The following UACA variants were observed in gnomAD, a reference collection of about 807,000 sequenced individuals.
UACA encodes nuclear membrane binding protein.
In UACA, 112 loss-of-function variants were observed where a neutral mutation model predicts 160.5. The ratio of observed to expected loss-of-function variants is 0.70; its 90% CI spans 0.60 to 0.82. The LOEUF (loss-of-function observed/expected upper bound fraction) is 0.82. Ranked by LOEUF, UACA falls within the 40% of genes least tolerant of loss-of-function variation. UACA has a pLI of 0.00. For missense variants in UACA, 1,574 were observed against 1,614.6 expected, an observed-to-expected ratio of 0.97 and a Z score of 0.43; for synonymous variants, 557 against 568.4, an observed-to-expected ratio of 0.98 and a Z score of 0.29.
intron 2 of UACA, 88 bp downstream of exon 2, chr15:70,699,439 G>A (rs989641062): frequency 9.0e-6 from 13 of 1,450,088 alleles, no homozygotes; most frequent in South Asian, 1.3e-5. Context: ...TAATAAGTAA[G>A]TTGATAACTA....
intron 14 of UACA, 62 bp from the exon 15 acceptor site, chr15:70,671,153 T>A (rs746513148): frequency 2.1e-5 from 24 of 1,160,590 alleles, no homozygotes; most frequent in Non-Finnish European, 3.0e-5. Flanking sequence ...AGGCTAAACA[T>A]TAATTTGATG....
intron 11 of UACA, among the ~76,000 whole-genome samples, chr15:70,677,888 T>G (rs1434763615): frequency 1.3e-5 from 2 of 152,160 alleles, no homozygotes; most frequent in Non-Finnish European, 2.9e-5. Flanking sequence ...CAGTGATCTC[T>G]CCTCACTTCC....
intron 1 of UACA, among the ~76,000 whole-genome samples, chr15:70,728,033 A>G (rs1314183004): frequency 2.0e-5 from 3 of 152,210 alleles, no homozygotes; most frequent in Non-Finnish European, 4.4e-5. Context: ...AGACACACAG[A>G]CTAATGGGGA....
intron 1 of UACA, among the ~76,000 whole-genome samples, chr15:70,714,055 A>T (rs888664846): frequency 6.6e-5 from 10 of 152,162 alleles, no homozygotes; most frequent in Non-Finnish European, 1.3e-4. Context: ...ACACCTAATT[A>T]AAAAAGTACA....
At chr15:70,703,854 C>A (rs1341969847) in intron 1 of UACA, among the ~76,000 whole-genome samples, 2 of 152,110 alleles carry the variant, frequency 1.3e-5, no homozygotes, top group African/African-American at 2.4e-5. Flanking sequence ...CCTTTGCTGT[C>A]CCCTGTACCT....
chr15:70,676,088 T>C (rs1897296037), intron 13 of UACA, among the ~76,000 whole-genome samples: 2 of 152,226 alleles, frequency 1.3e-5, no homozygotes, highest in South Asian at 4.1e-4. Flanking sequence ...CTGAATCAGC[T>C]GCCTTCAGTG....
chr15:70,768,868 A>T, the UACA span, among the ~76,000 whole-genome samples: 1 of 152,204 alleles, frequency 6.6e-6, no homozygotes, highest in Non-Finnish European at 1.5e-5. Flanking sequence ...TGATGGTTTT[A>T]CTTGTCCTGC....
chr15:70,752,248 A>G (rs1314332087), intron 1 of UACA, among the ~76,000 whole-genome samples: 1 of 151,946 alleles, frequency 6.6e-6, no homozygotes, highest in Non-Finnish European at 1.5e-5. Flanking sequence ...AAAAAAAAAA[A>G]AAAAAAAAAA....
upstream of UACA, among the ~76,000 whole-genome samples, chr15:70,767,427 A>C (rs1202383484): frequency 6.6e-6 from 1 of 151,268 alleles, no homozygotes; most frequent in African/African-American, 2.4e-5. Flanking sequence ...CATCTCTACT[A>C]AAATACAAAA....
chr15:70,758,481 C>T (rs1421158584), intron 1 of UACA: 1 of 152,126 alleles, frequency 6.6e-6, no homozygotes, highest in Non-Finnish European at 1.5e-5. Context: ...TTACATTACC[C>T]AAAAGTCGCT....
At chr15:70,699,750 A>G in intron 1 of UACA, 90 bp from the exon 2 acceptor site, 1 of 1,362,764 alleles carries the variant, frequency 7.3e-7, no homozygotes, top group Non-Finnish European at 1.0e-6. Context: ...GGAAAGCAGT[A>G]CTGCATAATA....
chr15:70,718,560 T>C (rs1898897088), intron 1 of UACA, among the ~76,000 whole-genome samples: 1 of 152,146 alleles, frequency 6.6e-6, no homozygotes, highest in Admixed American at 6.5e-5. Flanking sequence ...CGAGGCCTGT[T>C]CCTTCAGCCT....
At chr15:70,771,827 A>G in the UACA span, among the ~76,000 whole-genome samples, 3 of 152,212 alleles carry the variant, frequency 2.0e-5, no homozygotes, top group Non-Finnish European at 4.4e-5. Flanking sequence ...CAGCAATGCA[A>G]CGGCCCTAAG....
At chr15:70,712,438 T>C (rs1473427292) in intron 1 of UACA, among the ~76,000 whole-genome samples, 1 of 152,164 alleles carries the variant, frequency 6.6e-6, no homozygotes, top group Non-Finnish European at 1.5e-5. Context: ...CCTTTCCTTG[T>C]GTTCTCCACA....
chr15:70,698,844 C>T (rs1324312353), intron 2 of UACA, among the ~76,000 whole-genome samples: 1 of 152,024 alleles, frequency 6.6e-6, no homozygotes, highest in African/African-American at 2.4e-5. Flanking sequence ...CCCAACTGCT[C>T]CCCACCTACA....
chr15:70,702,131 A>G, intron 1 of UACA: 1 of 1,301,772 alleles, frequency 7.7e-7, no homozygotes, highest in Non-Finnish European at 9.7e-7. Flanking sequence ...CTTCCTTGCA[A>G]TGCAGAACTT....
At chr15:70,774,545 CAA>C in the UACA span, among the ~76,000 whole-genome samples, 17 of 82,350 alleles carry the variant, frequency 2.1e-4, no homozygotes, top group African/African-American at 1.7e-4. Context: ...GACTCTGTCT[CAA>C]AAAAAAAAAA....
At chr15:70,763,605 C>T (rs1276034893), upstream of UACA, 1 of 1,145,578 alleles carries the variant, frequency 8.7e-7, no homozygotes, top group Admixed American at 4.3e-5. Flanking sequence ...ACCCGCTGCC[C>T]TGGCGGGGGC....
At position 70,687,536 on chromosome 15, in the gene UACA, T is replaced by C. The variant is rs914572432; in HGVS notation, c.602+4A>G. ...GTATCTGGGAGCCATGATAAAAGAA[T>C]TACCTGTTTTGTTTGTCTCTGGAAT... On this transcript the variant is annotated splice_donor_region_variant and intron_variant, in intron 7 of 18. Transcript: ENST00000322954. 1.9e-6 allele frequency: 3 copies of C among 1,613,456 alleles called. No individual in the cohort carries two copies. Among genetic ancestry groups the C allele is most frequent in the Non-Finnish European group, 1.7e-6 (2 of 1,179,494 alleles).
Sources: allele counts gnomAD v4.1 joint callset (sites outside exome capture counted in the v4.1 genomes callset), GRCh38; gene constraint gnomAD v4.1.1; transcripts MANE v1.5; gene names NCBI Gene and HGNC (gene_info 2026-07-23, HGNC 2026-07-21).